Variants in REM2 observed in about 807,000 individuals in gnomAD.
The protein encoded by REM2 is RRAD and GEM like GTPase 2, also known as GTP-binding protein REM 2.
REM2 carries 24 observed loss-of-function variants against 24.4 expected under a neutral mutation model. The observed-to-expected ratio is 0.98, with a 90% CI of 0.71 to 1.38. REM2 has a LOEUF of 1.38. REM2 is among the 40% of genes most tolerant of loss of function. The probability of loss-of-function intolerance (pLI) is 0.00; values close to 1 mark genes in which losing one functional copy is unlikely to be tolerated. For missense variants in REM2, 429 were observed against 467.8 expected, an observed-to-expected ratio of 0.92 and a Z score of 0.77; for synonymous variants, 187 against 198.0, an observed-to-expected ratio of 0.94 and a Z score of 0.47.
Position 22,885,353 on chromosome 14 carries a change from T to C in REM2, c.519+14T>C, listed in dbSNP as rs916401477. The C allele has an allele frequency of 3.1e-6, 5 of 1,602,266 alleles. No individual in the cohort carries two copies. The African/African-American group carries it at 5.4e-5, about 17-fold the overall frequency. ...ATCTGGGAACAGGTGAGAACTAAGA[T>C]GTGGCTGCAGGCAGGTGATGAAGCT... On this transcript the variant is annotated intron_variant, in intron 3 of 4. Coordinates refer to ENST00000267396, the MANE Select transcript of REM2 (RefSeq NM_173527.3).
In REM2 at chr14:22,886,507, C is replaced by T; in HGVS notation, c.728-107C>T. 1 of 1,048,138 alleles carries T rather than the reference C, an allele frequency of 9.5e-7. No homozygotes were observed. Among genetic ancestry groups the T allele is most frequent in the South Asian group, 1.7e-5 (1 of 59,454 alleles). 64.9% of individuals were successfully genotyped at this position (1,048,138 alleles called of 1,614,324 possible). A position where few individuals can be genotyped will look rare whatever the true frequency, so the allele number is the denominator to read the frequency against. On this transcript the variant is annotated intron_variant, in intron 4 of 4. Transcript: ENST00000267396. The surrounding 1 kb of genome is among the most constrained non-coding windows in gnomAD (Gnocchi z 5.9). ...GCCATGTTCTCTCGGTTGCAAGATTCACTAGTACCAATCCCTTGCCACCGC... is the reference window on the plus strand; with the variant it reads ...GCCATGTTCTCTCGGTTGCAAGATTTACTAGTACCAATCCCTTGCCACCGC...
rs1054955136 is a variant in REM2 at position 22,883,455 on chromosome 14, G to C, written c.103+65G>C. 3.5e-6 allele frequency: 5 copies of C among 1,448,326 alleles called. No homozygotes were observed. In the African/African-American group the frequency reaches 7.0e-5, roughly 20 times the overall value. 89.7% of individuals were successfully genotyped at this position (1,448,326 alleles called of 1,614,324 possible). A position where few individuals can be genotyped will look rare whatever the true frequency, so the allele number is the denominator to read the frequency against. ...GGGTGGGAGCTGAAGCTTTGGTGGG[G>C]AGGTCAGAACTAGGGGTTGAGGGAG... On this transcript the variant is annotated intron_variant, in intron 1 of 4. Transcript: ENST00000267396.
At position 22,883,288 on chromosome 14, in the gene REM2, A is replaced by ATGCACACGGACC; in HGVS notation, c.4_15dup (p.His2_Leu5dup). 1 of 1,494,248 alleles carries ATGCACACGGACC rather than the reference A, an allele frequency of 6.7e-7. No individual in the cohort carries two copies. The highest frequency in any genetic ancestry group is 9.1e-7 in the Non-Finnish European group (1 of 1,093,650). The allele number at this position is 1,494,248 out of a possible 1,614,324, so 92.6% of individuals were successfully genotyped here. On this transcript the variant is annotated inframe_insertion, in exon 1 of 5. Coordinates refer to ENST00000267396, the MANE Select transcript of REM2 (RefSeq NM_173527.3). The stretch of plus-strand genomic sequence containing the variant: ...CACACGCACACGCACACGCACACTG[A>ATGCACACGGACC]TGCACACGGACCTGGACACAGACAT...
chr14:22,884,288 T>C (rs1003314167), intron 1 of REM2: 3 of 985,276 alleles, frequency 3.0e-6, no homozygotes, highest in Non-Finnish European at 3.6e-6. Flanking sequence ...GGCCTCTTGA[T>C]GGAAAAAGAG....
At chr14:22,885,172 G>A in intron 2 of REM2, 94 bp from the exon 3 acceptor site, 1 of 1,382,492 alleles carries the variant, frequency 7.2e-7, no homozygotes, top group South Asian at 1.2e-5. Context: ...AGGGTTCCCT[G>A]GTGCTGAGAT....
chr14:22,885,303 G>A lies in REM2; in HGVS notation c.483G>A (p.Glu161=), dbSNP rs774128911. 4 of 1,613,752 alleles carry A rather than the reference G, an allele frequency of 2.5e-6. No homozygotes were observed. The Admixed American group carries it at 6.7e-5, about 27-fold the overall frequency. ...AGAGACGCATCATGGTGGATAAGGA[G>A]GAAGTGACTCTAGTCGTTTATGACA... is the stretch of plus-strand genomic sequence containing the variant. The part of the protein sequence containing the change: ...TYERRIMVDK[E]EVTLVVYDIW... The change falls in exon 3 of 5, where the codon GAG becomes GAA. Residue 161 remains glutamate, a synonymous_variant. Transcript: ENST00000267396.
chr14:22,886,236 G>T lies in REM2; in HGVS notation c.727+5G>T. 1 of 1,607,236 alleles carries T rather than the reference G, an allele frequency of 6.2e-7. No individual in the cohort carries two copies. Among genetic ancestry groups the T allele is most frequent in the Non-Finnish European group, 8.5e-7 (1 of 1,176,262 alleles). On this transcript the variant is annotated splice_donor_5th_base_variant and intron_variant, in intron 4 of 4. Coordinates refer to ENST00000267396, the MANE Select transcript of REM2 (RefSeq NM_173527.3). The surrounding 1 kb of genome is among the most constrained non-coding windows in gnomAD (Gnocchi z 5.9). ...CCCGGGAGGTATCACTGGAGGGTGTGTATCCTGAACAGATTCCATACTTGC... is the reference window on the plus strand; with the variant it reads ...CCCGGGAGGTATCACTGGAGGGTGTTTATCCTGAACAGATTCCATACTTGC...
chr14:22,887,658 A>G lies in REM2; in HGVS notation c.*749A>G, dbSNP rs538179678. ...CAAGGGGCCACCCTTTCCCTTTTCAATAAATAATTTTTGTACTGCCTCTGT... is the reference window on the plus strand; with the variant it reads ...CAAGGGGCCACCCTTTCCCTTTTCAGTAAATAATTTTTGTACTGCCTCTGT... On this transcript the variant is annotated 3_prime_UTR_variant, in exon 5 of 5. Coordinates refer to ENST00000267396, the MANE Select transcript of REM2 (RefSeq NM_173527.3). 2 of 152,354 alleles carry G rather than the reference A, an allele frequency of 1.3e-5. No individual in the cohort carries two copies. Among genetic ancestry groups the G allele is most frequent in the East Asian group, 1.9e-4 (1 of 5,178 alleles). The allele number at this position is 152,354 out of a possible 1,614,324, so 9.4% of individuals were successfully genotyped here.
At chr14:22,885,121 C>CT in intron 2 of REM2, 106 bp downstream of exon 2, 1 of 1,391,692 alleles carries the variant, frequency 7.2e-7, no homozygotes, top group Non-Finnish European at 9.8e-7. Context: ...TTAACAGAAG[C>CT]TTTTCCAATG....
Position 22,887,511 on chromosome 14 carries a change from A to T in REM2, c.*602A>T, listed in dbSNP as rs1017687535. 5 of 152,132 alleles carry T rather than the reference A, an allele frequency of 3.3e-5. No homozygotes were observed. The highest frequency in any genetic ancestry group is 4.8e-5 in the African/African-American group (2 of 41,408). The allele number at this position is 152,132 out of a possible 1,614,324, so 9.4% of individuals were successfully genotyped here. ...GCTGTTCCTGAGATGGATTCTCTTG[A>T]CTTACCAGTCCACCACGGCACTTCC... On this transcript the variant is annotated 3_prime_UTR_variant, in exon 5 of 5. Coordinates refer to ENST00000267396, the MANE Select transcript of REM2 (RefSeq NM_173527.3).
Position 22,886,617 on chromosome 14 carries a change from G to T in REM2, c.731G>T (p.Gly244Val). Residue 244 changes from glycine (G) to valine (V), a missense_variant, in exon 5 of 5, where the codon GGC (glycine) becomes GTC (valine). Physicochemically the swap from Gly to Val is moderately radical, Grantham distance 109. Transcript: ENST00000267396. The surrounding 1 kb of genome is among the most constrained non-coding windows in gnomAD (Gnocchi z 5.9). ...ARSREVSLEE[G>V]RHLAGTLSCK... ...CTGAGCCGGTGCCTTCCTGCAGAGG[G>T]CCGCCACCTGGCCGGGACGCTGAGC... 6.9e-7 allele frequency: 1 copy of T among 1,447,978 alleles called. No individual in the cohort carries two copies. 89.7% of individuals were successfully genotyped at this position (1,447,978 alleles called of 1,614,324 possible). A position where few individuals can be genotyped will look rare whatever the true frequency, so the allele number is the denominator to read the frequency against.
In REM2 at chr14:22,886,452, G is replaced by T; in HGVS notation, c.728-162G>T. The T allele has an allele frequency of 1.3e-6, 1 of 745,554 alleles. No individual in the cohort carries two copies. Among genetic ancestry groups the T allele is most frequent in the African/African-American group, 1.8e-5 (1 of 56,538 alleles). The allele number at this position is 745,554 out of a possible 1,614,324, so 46.2% of individuals were successfully genotyped here. A position where few individuals can be genotyped will look rare whatever the true frequency, so the allele number is the denominator to read the frequency against. ...CTAGGCCTCCTTCTCCCTCTCCTTCGCACCTCCACAGACCCACCATATGAG... is the reference window on the plus strand; with the variant it reads ...CTAGGCCTCCTTCTCCCTCTCCTTCTCACCTCCACAGACCCACCATATGAG... On this transcript the variant is annotated intron_variant, in intron 4 of 4. Transcript: ENST00000267396. This position sits in a 1 kb window ranked among gnomAD's most constrained non-coding sequence, Gnocchi z 5.9.
At chr14:22,884,343 G>GGCCTAGTCT (rs2040099667) in intron 1 of REM2, 1 of 985,334 alleles carries the variant, frequency 1.0e-6, no homozygotes, top group Non-Finnish European at 1.2e-6. Flanking sequence ...CAGGGCCAGA[G>GGCCTAGTCT]GCCTAGTCTG....
In REM2 at chr14:22,885,128, A is replaced by G. The variant is rs1004547941; in HGVS notation, c.445+113A>G. On this transcript the variant is annotated intron_variant, in intron 2 of 4. Coordinates refer to ENST00000267396, the MANE Select transcript of REM2 (RefSeq NM_173527.3). The stretch of plus-strand genomic sequence containing the variant: ...GACAGAGCTTAACAGAAGCTTTTCC[A>G]ATGCTTTCTGTGGCAGCCTCCCTGA... The G allele has an allele frequency of 5.0e-6, 7 of 1,388,118 alleles. No homozygotes were observed. In the African/African-American group the frequency reaches 8.7e-5, roughly 17 times the overall value. 86.0% of individuals were successfully genotyped at this position (1,388,118 alleles called of 1,614,324 possible). A position where few individuals can be genotyped will look rare whatever the true frequency, so the allele number is the denominator to read the frequency against.
Position 22,886,877 on chromosome 14 carries a change from T to A in REM2, c.991T>A (p.Ser331Thr). ...PRNAKFFKQR[S>T]RSCHDLSVL Reference sequence around the variant, plus strand: ...CAACGCCAAGTTCTTCAAGCAGCGCTCCAGGTCGTGTCACGACCTCTCGGT... The same window carrying A: ...CAACGCCAAGTTCTTCAAGCAGCGCACCAGGTCGTGTCACGACCTCTCGGT... The change falls in exon 5 of 5, where the codon TCC becomes ACC. Residue 331 changes from serine to threonine, a missense_variant. By Grantham distance (58) the Ser-to-Thr change is moderately conservative. Transcript: ENST00000267396. This position sits in a 1 kb window ranked among gnomAD's most constrained non-coding sequence, Gnocchi z 5.9. The A allele has an allele frequency of 6.5e-7, 1 of 1,537,714 alleles. No individual in the cohort carries two copies. The highest frequency in any genetic ancestry group is 8.8e-7 in the Non-Finnish European group (1 of 1,141,904).
In REM2 at chr14:22,886,236, G is replaced by C; in HGVS notation, c.727+5G>C. The C allele has an allele frequency of 1.2e-6, 2 of 1,607,236 alleles. No individual in the cohort carries two copies. Among genetic ancestry groups the C allele is most frequent in the South Asian group, 2.2e-5 (2 of 90,240 alleles). ...CCCGGGAGGTATCACTGGAGGGTGT[G>C]TATCCTGAACAGATTCCATACTTGC... On this transcript the variant is annotated splice_donor_5th_base_variant and intron_variant, in intron 4 of 4. Transcript: ENST00000267396. This position sits in a 1 kb window ranked among gnomAD's most constrained non-coding sequence, Gnocchi z 5.9.
At position 22,886,719 on chromosome 14, in the gene REM2, G is replaced by A; in HGVS notation, c.833G>A (p.Arg278Gln). Reference protein sequence around the residue: ...ELFEGAVRQIRLRRGRNHAGG... With the variant: ...ELFEGAVRQIQLRRGRNHAGG... The stretch of plus-strand genomic sequence containing the variant: ...TTCGAGGGCGCGGTGCGCCAGATCC[G>A]GCTGCGGCGGGGCCGAAACCACGCC... The change falls in exon 5 of 5, where the codon CGG (arginine) becomes CAG (glutamine). Residue 278 changes from arginine (R) to glutamine (Q), a missense_variant. Physicochemically the swap from Arg to Gln is conservative, Grantham distance 43. Coordinates refer to ENST00000267396, the MANE Select transcript of REM2 (RefSeq NM_173527.3). The surrounding 1 kb of genome is among the most constrained non-coding windows in gnomAD (Gnocchi z 5.9). 6.6e-7 allele frequency: 1 copy of A among 1,516,226 alleles called. No homozygotes were observed. The highest frequency in any genetic ancestry group is 1.2e-5 in the South Asian group (1 of 80,894). The allele number at this position is 1,516,226 out of a possible 1,614,324, so 93.9% of individuals were successfully genotyped here.
rs1478391326 is a variant in REM2, at chr14:22,883,391, G to A, written c.103+1G>A. On this transcript the variant is annotated splice_donor_variant, in intron 1 of 4. Coordinates refer to ENST00000267396, the MANE Select transcript of REM2 (RefSeq NM_173527.3). LOFTEE classifies it high-confidence loss of function. ...TCCCCTCCAGGGACGCCCACACCAG[G>A]TGAGGGCTAACCTGGGCAGGTTCCG... The A allele has an allele frequency of 6.4e-7, 1 of 1,552,610 alleles. No homozygotes were observed. Among genetic ancestry groups the A allele is most frequent in the African/African-American group, 1.4e-5 (1 of 73,206 alleles).
Position 22,887,210 on chromosome 14 carries a change from T to C in REM2, c.*301T>C. ...GCTGGGTCGGGAAGAAAAATAATTCTGCAAGGTATTTTGTTTTTTATTAAT... is the reference window on the plus strand; with the variant it reads ...GCTGGGTCGGGAAGAAAAATAATTCCGCAAGGTATTTTGTTTTTTATTAAT... On this transcript the variant is annotated 3_prime_UTR_variant, in exon 5 of 5. Transcript: ENST00000267396. 1 of 330,298 alleles carries C rather than the reference T, an allele frequency of 3.0e-6. No individual in the cohort carries two copies. The highest frequency in any genetic ancestry group is 4.8e-5 in the Admixed American group (1 of 20,654). 20.5% of individuals were successfully genotyped at this position (330,298 alleles called of 1,614,324 possible).
Sources: allele counts gnomAD v4.1 joint callset, GRCh38; gene constraint gnomAD v4.1.1; non-coding constraint Gnocchi (gnomAD v3.1); transcripts MANE v1.5; gene names NCBI Gene and HGNC (gene_info 2026-07-23, HGNC 2026-07-21).